The following PRKN variants were observed in gnomAD, a reference collection of about 807,000 sequenced individuals.
PRKN encodes E3 ubiquitin-protein ligase parkin.
PRKN carries 56 observed loss-of-function variants against 59.5 expected under a neutral mutation model. The observed-to-expected ratio is 0.94, with a 90% CI of 0.76 to 1.18. The LOEUF (loss-of-function observed/expected upper bound fraction) is 1.18. Among genes scored for constraint, PRKN ranks in the 50% most tolerant of loss-of-function variants. The probability of loss-of-function intolerance (pLI) is 0.00; values close to 1 mark genes in which losing one functional copy is unlikely to be tolerated. For missense variants in PRKN, 657 were observed against 596.4 expected (o/e 1.10, Z -1.06); for synonymous variants, 250 against 222.1 (o/e 1.13, Z -1.12).
At chr6:161,964,614 CAT>C (rs1263486364) in intron 6 of PRKN, among the ~76,000 whole-genome samples, 2 of 151,986 alleles carry the variant, frequency 1.3e-5, no homozygotes, top group Admixed American at 1.3e-4. Flanking sequence ...ATAATATAAA[CAT>C]ATTTGGGTCT....
At chr6:162,201,353 C>T (rs1324637872) in intron 3 of PRKN, 101 bp from the exon 4 acceptor site, 1 of 1,049,968 alleles carries the variant, frequency 9.5e-7, no homozygotes, top group Admixed American at 1.7e-5. Context: ...AAAACTCAGT[C>T]TTCAGGAACA....
intron 1 of PRKN, among the ~76,000 whole-genome samples, chr6:162,464,431 T>G (rs1791319394): frequency 6.6e-6 from 1 of 152,152 alleles, no homozygotes; most frequent in African/African-American, 2.4e-5. Flanking sequence ...AAATTGAACT[T>G]TGATTTTAAA....
At position 162,312,235 on chromosome 6, in the gene PRKN, T is replaced by C. The variant is rs189555490; in HGVS notation, c.172-49470A>G. 1.6e-4 allele frequency among the ~76,000 whole-genome samples: 25 copies of C among 152,280 alleles called. No homozygotes were observed. The East Asian group carries it at 4.8e-3, about 30-fold the overall frequency. ...ACCCCTCTGCCACTGTTTCATTTTATGGCCTTAGGACTGTCATTTGGCTTT... is the reference window on the plus strand; with the variant it reads ...ACCCCTCTGCCACTGTTTCATTTTACGGCCTTAGGACTGTCATTTGGCTTT... On this transcript the variant is annotated intron_variant, in intron 2 of 11. Coordinates refer to ENST00000366898, the MANE Select transcript of PRKN (RefSeq NM_004562.3).
At position 162,556,401 on chromosome 6, in the gene PRKN, G is replaced by GTGTGTGTGTGTGTGTGTGTGTC. The variant is rs776385523; in HGVS notation, c.8-112929_8-112928insGACACACACACACACACACACA. Reference sequence around the variant, plus strand: ...TGTGTGTGTGTGTGTGTGTGTGTGTGTGTCAGTTTGGCAGACGCCTTCTTT... The same window carrying GTGTGTGTGTGTGTGTGTGTGTC: ...TGTGTGTGTGTGTGTGTGTGTGTGTGTGTGTGTGTGTGTGTGTGTGTCTGTCAGTTTGGCAGACGCCTTCTTT... On this transcript the variant is annotated intron_variant, in intron 1 of 11. Coordinates refer to ENST00000366898, the MANE Select transcript of PRKN (RefSeq NM_004562.3). Among the ~76,000 whole-genome samples, 83 of 131,224 alleles carry GTGTGTGTGTGTGTGTGTGTGTC rather than the reference G, an allele frequency of 6.3e-4. 4 individuals carry two copies. Among genetic ancestry groups the GTGTGTGTGTGTGTGTGTGTGTC allele is most frequent in the Non-Finnish European group, 9.9e-4 (59 of 59,746 alleles). 86.1% of individuals were successfully genotyped at this position (131,224 alleles called of 152,430 possible).
At chr6:161,725,097 C>A (rs566667176) in intron 7 of PRKN, among the ~76,000 whole-genome samples, 1 of 152,298 alleles carries the variant, frequency 6.6e-6, no homozygotes, top group Non-Finnish European at 1.5e-5. Context: ...CAGACGCTGG[C>A]GCCATGCTTC....
At chr6:161,979,108 C>A (rs1342115497) in intron 5 of PRKN, among the ~76,000 whole-genome samples, 1 of 152,042 alleles carries the variant, frequency 6.6e-6, no homozygotes, top group African/African-American at 2.4e-5. Context: ...TTCTGGGAAA[C>A]CTTAATTAGC....
At position 162,400,699 on chromosome 6, in the gene PRKN, G is replaced by A. The variant is rs1391990560; in HGVS notation, c.171+42611C>T. On this transcript the variant is annotated intron_variant, in intron 2 of 11. Coordinates refer to ENST00000366898, the MANE Select transcript of PRKN (RefSeq NM_004562.3). ...CAACAGCATTTCTTTAAAATGGGAG[G>A]TGAACCAGAAAAGGTAGATGGGTGG... 2.0e-5 allele frequency among the ~76,000 whole-genome samples: 3 copies of A among 152,088 alleles called. No homozygotes were observed. The East Asian group carries it at 5.8e-4, about 29-fold the overall frequency.
At chr6:162,427,350 C>A (rs1004476483) in intron 2 of PRKN, among the ~76,000 whole-genome samples, 1 of 152,096 alleles carries the variant, frequency 6.6e-6, no homozygotes, top group Non-Finnish European at 1.5e-5. Context: ...TACCTGTGCA[C>A]AAGACTTGTA....
intron 6 of PRKN, among the ~76,000 whole-genome samples, chr6:161,829,906 T>A: frequency 6.6e-6 from 1 of 150,538 alleles, no homozygotes. Context: ...ATATAACATA[T>A]GTAGCAAGTG....
chr6:162,150,512 A>G (rs1322561001), intron 4 of PRKN, among the ~76,000 whole-genome samples: 2 of 152,198 alleles, frequency 1.3e-5, no homozygotes, highest in Non-Finnish European at 2.9e-5. Flanking sequence ...AGAACATCAA[A>G]GCTGTTACTT....
chr6:161,675,815 A>C (rs968314769), intron 7 of PRKN, among the ~76,000 whole-genome samples: 1 of 152,216 alleles, frequency 6.6e-6, no homozygotes, highest in African/African-American at 2.4e-5. Flanking sequence ...TATTTTTTAC[A>C]GTTCCTGCGG....
chr6:162,480,712 C>G (rs1351278590), intron 1 of PRKN, among the ~76,000 whole-genome samples: 1 of 152,098 alleles, frequency 6.6e-6, no homozygotes, highest in Non-Finnish European at 1.5e-5. Flanking sequence ...AAACCAAAAC[C>G]CATAAATGAT....
intron 1 of PRKN, among the ~76,000 whole-genome samples, chr6:162,633,966 A>G (rs1191153536): frequency 1.3e-5 from 2 of 152,196 alleles, no homozygotes; most frequent in Non-Finnish European, 2.9e-5. Flanking sequence ...GAAATGAGAC[A>G]GTTACAGAGA....
chr6:162,044,700 C>T (rs1784189142), intron 5 of PRKN, among the ~76,000 whole-genome samples: 1 of 152,142 alleles, frequency 6.6e-6, no homozygotes, highest in African/African-American at 2.4e-5. Flanking sequence ...ATTTTCTATT[C>T]CTTTATTCCT....
chr6:161,569,250 AC>A, intron 8 of PRKN, 104 bp downstream of exon 8: 1 of 969,740 alleles, frequency 1.0e-6, no homozygotes, highest in South Asian at 1.3e-5. Context: ...ATTTCAGGGC[AC>A]CCAGGGTCAG....
In PRKN at chr6:161,538,638, C is replaced by T. The variant is rs1779508968; in HGVS notation, c.1083+10216G>A. On this transcript the variant is annotated intron_variant, in intron 9 of 11. Coordinates refer to ENST00000366898, the MANE Select transcript of PRKN (RefSeq NM_004562.3). The surrounding 1 kb of genome is among the most constrained non-coding windows in gnomAD (Gnocchi z 4.2). ...AGAATCCTGGGGCCCACTGAGATGC[C>T]AAGCGGAGAAGGAGGAAAAATGGCT... Among the ~76,000 whole-genome samples, 2 of 152,072 alleles carry T rather than the reference C, an allele frequency of 1.3e-5. No homozygotes were observed. Among genetic ancestry groups the T allele is most frequent in the South Asian group, 2.1e-4 (1 of 4,806 alleles).
intron 9 of PRKN, among the ~76,000 whole-genome samples, chr6:161,517,761 A>AAAAAAAG (rs1466879535): frequency 3.3e-5 from 5 of 149,408 alleles, no homozygotes; most frequent in Non-Finnish European, 7.5e-5. Flanking sequence ...AAAAAAAAAA[A>AAAAAAAG]AAAAGAGTTG....
intron 3 of PRKN, among the ~76,000 whole-genome samples, chr6:162,202,340 A>G (rs1784765308): frequency 1.3e-5 from 2 of 152,294 alleles, no homozygotes; most frequent in Admixed American, 6.5e-5. Context: ...TTACAAAAAG[A>G]GCTTTTGCAG....
intron 7 of PRKN, among the ~76,000 whole-genome samples, chr6:161,610,020 T>G (rs1583287891): frequency 6.6e-6 from 1 of 152,216 alleles, no homozygotes; most frequent in East Asian, 1.9e-4. Flanking sequence ...CAAAAAAAAT[T>G]TTTTGAATGA....
Sources: gnomAD v4.1 joint callset for allele counts (sites outside exome capture counted in the v4.1 genomes callset) on GRCh38, gnomAD v4.1.1 for gene constraint, Gnocchi (gnomAD v3.1) non-coding constraint, MANE v1.5 for transcripts, NCBI Gene and HGNC (gene_info 2026-07-23, HGNC 2026-07-21) for gene names.